Variants in HERC2 observed in about 807,000 individuals in gnomAD.
HERC2 encodes E3 ubiquitin-protein ligase HERC2.
Under a neutral mutation model 537.7 loss-of-function variants are expected in HERC2, and 102 were observed. The ratio of observed to expected loss-of-function variants is 0.19; its 90% CI spans 0.16 to 0.22. The LOEUF (loss-of-function observed/expected upper bound fraction) is 0.22. Ranked by LOEUF, HERC2 falls within the 10% of genes least tolerant of loss-of-function variation. The pLI is 1.00. For missense variants in HERC2, 4,236 were observed against 6,198.2 expected (o/e 0.68, Z 10.63); for synonymous variants, 2,224 against 2,466.2 (o/e 0.90, Z 2.91).
chr15:28,117,140 C>T lies in HERC2; in HGVS notation c.13287G>A (p.Arg4429=), dbSNP rs557904011. Reference sequence around the variant, plus strand: ...CGGGGCCGGCCAGCCCGCCTTTGCTCCTTGATCGTTTGACCTGGAGAGGAG... The same window carrying T: ...CGGGGCCGGCCAGCCCGCCTTTGCTTCTTGATCGTTTGACCTGGAGAGGAG... The part of the protein sequence containing the change: ...ELNRIQVKRS[R]SKGGLAGPDG... The change falls in exon 87 of 93, where the codon AGG becomes AGA. Residue 4429 remains arginine (R), a synonymous_variant. Transcript: ENST00000261609. The T allele has an allele frequency of 1.9e-6, 3 of 1,613,982 alleles. No homozygotes were observed. The highest frequency in any genetic ancestry group is 2.7e-5 in the African/African-American group (2 of 75,058).
At chr15:28,242,983 C>T (rs1252344243) in intron 23 of HERC2, among the ~76,000 whole-genome samples, 1 of 152,252 alleles carries the variant, frequency 6.6e-6, no homozygotes. Flanking sequence ...TTTTTCTCTG[C>T]TACTAAGAAA....
Position 28,245,594 on chromosome 15 carries a change from C to T in HERC2, c.3577+287G>A, listed in dbSNP as rs186328140. On this transcript the variant is annotated intron_variant, in intron 23 of 92. Coordinates refer to ENST00000261609, the MANE Select transcript of HERC2 (RefSeq NM_004667.6). ...ACACACACACACACACACACACACA[C>T]ACACACACACAGATATATATATACA... Among the ~76,000 whole-genome samples the T allele has an allele frequency of 8.1e-4, 110 of 134,992 alleles. 1 individual carries two copies. The highest frequency in any genetic ancestry group is 2.8e-3 in the African/African-American group (106 of 37,256). The allele number at this position is 134,992 out of a possible 152,430, so 88.6% of individuals were successfully genotyped here.
At chr15:28,153,972 C>T (rs936037404) in intron 69 of HERC2, among the ~76,000 whole-genome samples, 4 of 152,132 alleles carry the variant, frequency 2.6e-5, no homozygotes, top group Non-Finnish European at 1.5e-5. Flanking sequence ...ACACAGCTGC[C>T]CCTGCTGACC....
intron 92 of HERC2, among the ~76,000 whole-genome samples, 184 bp downstream of exon 92, chr15:28,112,887 C>T (rs1180646782): frequency 6.6e-6 from 1 of 152,152 alleles, no homozygotes; most frequent in African/African-American, 2.4e-5. Context: ...GGTAATGGTA[C>T]CCAAAACACA....
chr15:28,211,842 G>C (rs953021232), intron 43 of HERC2, among the ~76,000 whole-genome samples: 2 of 152,202 alleles, frequency 1.3e-5, no homozygotes, highest in African/African-American at 2.4e-5. Context: ...GGGAGCAAGA[G>C]GGGAGAAAAC....
At chr15:28,178,722 G>A (rs1456393008) in intron 59 of HERC2, among the ~76,000 whole-genome samples, 165 bp downstream of exon 59, 13 of 152,170 alleles carry the variant, frequency 8.5e-5, no homozygotes, top group Non-Finnish European at 5.9e-5. Context: ...TGATTTAGCA[G>A]CAATAACTAA....
chr15:28,248,134 G>C (rs760562123), intron 21 of HERC2, among the ~76,000 whole-genome samples: 2 of 152,130 alleles, frequency 1.3e-5, no homozygotes, highest in Non-Finnish European at 1.5e-5. Flanking sequence ...CTATTAAGCC[G>C]AGCTGTAACT....
In HERC2 at chr15:28,246,825, A is replaced by G. The variant is rs372777009; in HGVS notation, c.3308T>C (p.Ile1103Thr). 83 of 1,611,120 alleles carry G rather than the reference A, an allele frequency of 5.2e-5. No homozygotes were observed. Among genetic ancestry groups the G allele is most frequent in the Non-Finnish European group, 6.4e-5 (75 of 1,178,956 alleles). Residue 1103 changes from isoleucine to threonine, a missense_variant, in exon 22 of 93, where the codon ATA becomes ACA. Transcript: ENST00000261609. ...TALLCTHIGDILPVAASIAST... is the reference protein window; with the variant it reads ...TALLCTHIGDTLPVAASIAST... ...AGCAATGCTGGCGGCCACAGGCAGT[A>G]TATCTCCAATGTGCGTGCACAGGAG... is the stretch of plus-strand genomic sequence containing the variant.
Position 28,288,772 on chromosome 15 carries a change from C to T in HERC2, c.322+4116G>A, listed in dbSNP as rs1355502556. The stretch of plus-strand genomic sequence containing the variant: ...CTGAGGCAGGAGACTCGCTTGAACC[C>T]ACGTGGGGGAGGTTGCAGTGAGCTG... On this transcript the variant is annotated intron_variant, in intron 4 of 92. Coordinates refer to ENST00000261609, the MANE Select transcript of HERC2 (RefSeq NM_004667.6). 1.5e-4 allele frequency among the ~76,000 whole-genome samples: 22 copies of T among 149,184 alleles called. No individual in the cohort carries two copies. The East Asian group carries it at 3.0e-3, about 20-fold the overall frequency.
At position 28,177,286 on chromosome 15, in the gene HERC2, CGT is replaced by C; in HGVS notation, c.9254+131_9254+132del. The C allele has an allele frequency of 8.3e-7, 1 of 1,206,992 alleles. No individual in the cohort carries two copies. The highest frequency in any genetic ancestry group is 1.2e-6 in the Non-Finnish European group (1 of 856,368). The allele number at this position is 1,206,992 out of a possible 1,614,324, so 74.8% of individuals were successfully genotyped here. On this transcript the variant is annotated intron_variant, in intron 60 of 92. Coordinates refer to ENST00000261609, the MANE Select transcript of HERC2 (RefSeq NM_004667.6). This position sits in a 1 kb window ranked among gnomAD's most constrained non-coding sequence, Gnocchi z 5.0. ...CCGGTGAGACCAAAACACAAACAAC[CGT>C]GTTAAAAAAATTTTGTTTAAGAACC...
chr15:28,237,196 G>A (rs1185977768), intron 25 of HERC2, 83 bp from the exon 26 acceptor site: 17 of 1,373,474 alleles, frequency 1.2e-5, no homozygotes, highest in Non-Finnish European at 1.8e-5. Flanking sequence ...CTCTCCTGCA[G>A]CTGTAACCGC....
chr15:28,180,044 T>C (rs915077620), intron 57 of HERC2, among the ~76,000 whole-genome samples: 2 of 152,244 alleles, frequency 1.3e-5, no homozygotes, highest in Admixed American at 6.5e-5. Context: ...AGTGATGTCC[T>C]GGCCTTCACG....
intron 4 of HERC2, among the ~76,000 whole-genome samples, chr15:28,288,541 A>G (rs2076223016): frequency 1.3e-5 from 2 of 149,594 alleles, no homozygotes; most frequent in Admixed American, 1.3e-4. Context: ...GACTCAAAAA[A>G]AAAAAAAAAA....
intron 26 of HERC2, among the ~76,000 whole-genome samples, chr15:28,236,254 CTTA>C (rs949801867): frequency 2.0e-5 from 3 of 152,116 alleles, no homozygotes; most frequent in African/African-American, 7.2e-5. Context: ...TCTCACTATC[CTTA>C]TTATTATTAT....
At chr15:28,181,476 G>A (rs1255422131) in intron 57 of HERC2, among the ~76,000 whole-genome samples, 1 of 152,226 alleles carries the variant, frequency 6.6e-6, no homozygotes, top group African/African-American at 2.4e-5. Context: ...AAAGGAAAGA[G>A]TTCAAATGAA....
chr15:28,202,624 C>A lies in HERC2; in HGVS notation c.7213-10G>T. 1.8e-6 allele frequency: 1 copy of A among 543,998 alleles called. No individual in the cohort carries two copies. The allele number at this position is 543,998 out of a possible 1,614,324, so 33.7% of individuals were successfully genotyped here. A position where few individuals can be genotyped will look rare whatever the true frequency, so the allele number is the denominator to read the frequency against. ...CGGCCAGTGCAGCAGCCTGGGCAGA[C>A]AAGAGGGTCCTGGGAGATTTGGGAA... On this transcript the variant is annotated splice_polypyrimidine_tract_variant and intron_variant, in intron 45 of 92. Coordinates refer to ENST00000261609, the MANE Select transcript of HERC2 (RefSeq NM_004667.6).
chr15:28,241,433 G>A (rs1180681583), intron 23 of HERC2, among the ~76,000 whole-genome samples: 1 of 151,896 alleles, frequency 6.6e-6, no homozygotes, highest in South Asian at 2.1e-4. Flanking sequence ...AAATGGTGCA[G>A]CCACTCCGAA....
rs527374113 is a variant in HERC2 at position 28,254,578 on chromosome 15, C to T, written c.2872-60G>A. On this transcript the variant is annotated intron_variant, in intron 19 of 92. Coordinates refer to ENST00000261609, the MANE Select transcript of HERC2 (RefSeq NM_004667.6). Reference sequence around the variant, plus strand: ...TCTCATTACCAGGTGTGAAGACACACAGGCTGGCTGAGCCCTAACCCCAGT... The same window carrying T: ...TCTCATTACCAGGTGTGAAGACACATAGGCTGGCTGAGCCCTAACCCCAGT... The T allele has an allele frequency of 3.4e-5, 42 of 1,237,006 alleles. No homozygotes were observed. In the South Asian group the frequency reaches 5.6e-4, roughly 16 times the overall value. 76.6% of individuals were successfully genotyped at this position (1,237,006 alleles called of 1,614,324 possible).
Position 28,228,320 on chromosome 15 carries a change from C to A in HERC2, c.5362G>T (p.Val1788Leu), listed in dbSNP as rs1010267555. 14 of 1,612,452 alleles carry A rather than the reference C, an allele frequency of 8.7e-6. No homozygotes were observed. In the South Asian group the frequency reaches 1.5e-4, roughly 18 times the overall value. ...TGCAGGGTGAGCATGCTGAGCATCA[C>A]CAGGAGGAAGCGGGCTTGCGGGATG... ...GTIPQARFLL[V>L]MLSMLTLQHG... Residue 1788 changes from valine (V) to leucine (L), a missense_variant, in exon 35 of 93, where the codon GTG becomes TTG. Transcript: ENST00000261609.
Sources: gnomAD v4.1 joint callset for allele counts (sites outside exome capture counted in the v4.1 genomes callset) on GRCh38, gnomAD v4.1.1 for gene constraint, Gnocchi (gnomAD v3.1) non-coding constraint, MANE v1.5 for transcripts, NCBI Gene and HGNC (gene_info 2026-07-23, HGNC 2026-07-21) for gene names.